Variants in NWD2 observed in about 807,000 individuals in gnomAD.
NWD2 encodes NACHT and WD repeat domain containing 2, also known as NACHT and WD repeat domain-containing protein 2.
In NWD2, 37 loss-of-function variants were observed where a neutral mutation model predicts 132.7. The observed-to-expected ratio is 0.28, with a 90% CI of 0.21 to 0.37. NWD2 has a LOEUF of 0.37. Ranked by LOEUF, NWD2 falls within the 10% of genes least tolerant of loss-of-function variation. The pLI is 1.00. For missense variants in NWD2, 1,592 were observed against 2,122.4 expected (o/e 0.75, Z 4.91); for synonymous variants, 705 against 803.0 (o/e 0.88, Z 2.06).
chr4:37,357,380 T>C (rs1560403151), intron 3 of NWD2, among the ~76,000 whole-genome samples: 2 of 152,216 alleles, frequency 1.3e-5, no homozygotes, highest in South Asian at 2.1e-4. Flanking sequence ...CCGCATAGGA[T>C]TAGGAAGACC....
intron 3 of NWD2, among the ~76,000 whole-genome samples, chr4:37,384,176 T>A (rs2109309460): frequency 6.6e-6 from 1 of 152,326 alleles, no homozygotes; most frequent in East Asian, 1.9e-4. Context: ...TTTAAACAGT[T>A]TATGTCTATC....
At chr4:37,325,394 G>T (rs1424098454) in intron 1 of NWD2, among the ~76,000 whole-genome samples, 1 of 152,256 alleles carries the variant, frequency 6.6e-6, no homozygotes, top group South Asian at 2.1e-4. Context: ...TCTACAGTGG[G>T]TGGATCTGCT....
intron 3 of NWD2, among the ~76,000 whole-genome samples, chr4:37,422,001 G>A (rs115488327): frequency 0.024 from 3,673 of 152,110 alleles, 58 homozygotes; most frequent in Middle Eastern, 0.058. Flanking sequence ...TTCCAATAAG[G>A]GCACCAGTTC....
At position 37,409,392 on chromosome 4, in the gene NWD2, G is replaced by C. The variant is rs188533623; in HGVS notation, c.358-21180G>C. Among the ~76,000 whole-genome samples, 700 of 151,642 alleles carry C rather than the reference G, an allele frequency of 4.6e-3. 6 individuals carry two copies. The highest frequency in any genetic ancestry group is 0.016 in the African/African-American group (669 of 41,356). ...AAGTATCAATAGCTGAATCAATCAA[G>C]CAGAAGAAAGGATATCAGAGATTGA... On this transcript the variant is annotated intron_variant, in intron 3 of 6. Transcript: ENST00000309447.
intron 3 of NWD2, among the ~76,000 whole-genome samples, chr4:37,398,228 A>G (rs1184586546): frequency 6.6e-6 from 1 of 152,182 alleles, no homozygotes; most frequent in Non-Finnish European, 1.5e-5. Flanking sequence ...CAGGGTCATA[A>G]ACAAAATGTG....
At chr4:37,301,839 T>A (rs16993420) in intron 1 of NWD2, among the ~76,000 whole-genome samples, 3,454 of 152,164 alleles carry the variant, frequency 0.023, 125 homozygotes, top group African/African-American at 0.079. Flanking sequence ...TTGTCTTGAT[T>A]TTTATGTGTG....
chr4:37,331,660 T>C (rs968419532), intron 2 of NWD2, among the ~76,000 whole-genome samples: 4 of 152,238 alleles, frequency 2.6e-5, no homozygotes, highest in Non-Finnish European at 5.9e-5. Context: ...TTCCACTGAT[T>C]GTCCTCCTGA....
intron 3 of NWD2, among the ~76,000 whole-genome samples, chr4:37,412,669 C>CG (rs1362469954): frequency 9.3e-5 from 3 of 32,306 alleles, no homozygotes; most frequent in Non-Finnish European, 1.6e-4. Context: ...GCCCAAATAG[C>CG]AACACAATCC....
intron 2 of NWD2, among the ~76,000 whole-genome samples, chr4:37,348,653 TATATATATATATATATATATATACAC>T (rs1560400962): frequency 1.7e-5 from 1 of 57,236 alleles, no homozygotes; most frequent in East Asian, 4.4e-4. Context: ...TATATATATA[TATATATATATATATATATATATACAC>T]ACACACACAC....
intron 1 of NWD2, among the ~76,000 whole-genome samples, chr4:37,309,539 G>T (rs903423043): frequency 3.3e-5 from 5 of 152,186 alleles, no homozygotes; most frequent in African/African-American, 9.7e-5. Context: ...CATTTTAGCA[G>T]TGGCTCTGTT....
intron 1 of NWD2, among the ~76,000 whole-genome samples, chr4:37,251,612 C>A (rs1199393207): frequency 1.3e-5 from 2 of 152,306 alleles, no homozygotes; most frequent in East Asian, 3.9e-4. Flanking sequence ...TTGTTGAAAC[C>A]TGCATGTTAG....
chr4:37,412,740 G>A (rs184372027), intron 3 of NWD2, among the ~76,000 whole-genome samples: 1 of 152,080 alleles, frequency 6.6e-6, no homozygotes, highest in African/African-American at 2.4e-5. Context: ...ATACTACAAG[G>A]CTACAGTAAC....
At chr4:37,396,304 G>A (rs1720790783) in intron 3 of NWD2, among the ~76,000 whole-genome samples, 1 of 152,176 alleles carries the variant, frequency 6.6e-6, no homozygotes, top group African/African-American at 2.4e-5. Context: ...CTTACTGGTG[G>A]AGTCCTCGCC....
intron 1 of NWD2, among the ~76,000 whole-genome samples, chr4:37,259,232 A>G (rs1278309279): frequency 2.0e-5 from 3 of 152,306 alleles, no homozygotes; most frequent in East Asian, 3.9e-4. Context: ...ATGCAACTCT[A>G]TGTTTTATAT....
At chr4:37,265,860 C>T (rs1055941589) in intron 1 of NWD2, among the ~76,000 whole-genome samples, 13 of 152,052 alleles carry the variant, frequency 8.5e-5, no homozygotes, top group African/African-American at 3.1e-4. Flanking sequence ...TATAAGGTAA[C>T]ATTCGCAGCT....
chr4:37,375,157 A>G, intron 3 of NWD2, among the ~76,000 whole-genome samples: 1 of 152,200 alleles, frequency 6.6e-6, no homozygotes, highest in Admixed American at 6.5e-5. Flanking sequence ...AAGGTGTAAA[A>G]GTTCTCTTAC....
intron 1 of NWD2, among the ~76,000 whole-genome samples, chr4:37,258,080 C>A (rs1373705891): frequency 6.6e-6 from 1 of 152,186 alleles, no homozygotes; most frequent in Non-Finnish European, 1.5e-5. Context: ...ATCTTTTAGA[C>A]CGTAATGCAT....
At chr4:37,354,653 A>G (rs1474712752) in intron 2 of NWD2, among the ~76,000 whole-genome samples, 1 of 152,192 alleles carries the variant, frequency 6.6e-6, no homozygotes, top group African/African-American at 2.4e-5. Context: ...TAGCATGTGA[A>G]GGGGATTCTG....
chr4:37,329,680 A>G (rs1343774798), intron 2 of NWD2, among the ~76,000 whole-genome samples: 1 of 152,226 alleles, frequency 6.6e-6, no homozygotes, highest in East Asian at 1.9e-4. Flanking sequence ...AGATGGCATC[A>G]AAGTAAGATT....
Sources: allele counts gnomAD v4.1 joint callset (sites outside exome capture counted in the v4.1 genomes callset), GRCh38; gene constraint gnomAD v4.1.1; transcripts MANE v1.5; gene names NCBI Gene and HGNC (gene_info 2026-07-23, HGNC 2026-07-21).